The following ZNF280D variants were observed in gnomAD, a reference collection of about 807,000 sequenced individuals.
The protein encoded by ZNF280D is zinc finger protein 280D, also known as suppressor of hairy wing homolog 4.
ZNF280D carries 39 observed loss-of-function variants against 94.7 expected under a neutral mutation model. That is an observed-to-expected ratio of 0.41 (90% CI 0.32 to 0.54). The LOEUF (loss-of-function observed/expected upper bound fraction) is 0.54. Ranked by LOEUF, ZNF280D falls within the 20% of genes least tolerant of loss-of-function variation. ZNF280D has a pLI of 0.22. For missense variants in ZNF280D, 1,090 were observed against 1,149.3 expected (o/e 0.95, Z 0.75); for synonymous variants, 398 against 377.6 (o/e 1.05, Z -0.63).
At chr15:56,654,703 A>C in intron 17 of ZNF280D, 200 bp from the exon 18 acceptor site, 1 of 623,284 alleles carries the variant, frequency 1.6e-6, no homozygotes, top group South Asian at 1.6e-5. Context: ...CCATTTATTT[A>C]CAGAAAGTAT....
rs149168580 is a variant in ZNF280D at position 56,703,651 on chromosome 15, C to T, written c.175+470G>A. ...GGTGGATCATTTGAGCTCAGGAGTTCGAGAGCAGCCTGGGCAGCATGGTGA... is the reference window on the plus strand; with the variant it reads ...GGTGGATCATTTGAGCTCAGGAGTTTGAGAGCAGCCTGGGCAGCATGGTGA... On this transcript the variant is annotated intron_variant, in intron 4 of 21. Coordinates refer to ENST00000267807, the MANE Select transcript of ZNF280D (RefSeq NM_017661.4). Among the ~76,000 whole-genome samples, 695 of 151,992 alleles carry T rather than the reference C, an allele frequency of 4.6e-3. 3 individuals carry two copies. Among genetic ancestry groups the T allele is most frequent in the African/African-American group, 0.016 (658 of 41,422 alleles).
At chr15:56,727,938 T>C (rs1364020657) in intron 1 of ZNF280D, among the ~76,000 whole-genome samples, 10 of 152,332 alleles carry the variant, frequency 6.6e-5, no homozygotes, top group Non-Finnish European at 1.5e-4. Context: ...TCACACAATA[T>C]TTTTACATTA....
At chr15:56,677,090 G>C (rs1388887816) in intron 12 of ZNF280D, among the ~76,000 whole-genome samples, 1 of 152,096 alleles carries the variant, frequency 6.6e-6, no homozygotes, top group African/African-American at 2.4e-5. Context: ...GTCTTGACTT[G>C]AAGTTTCAAG....
At position 56,631,494 on chromosome 15, in the gene ZNF280D, A is replaced by G; in HGVS notation, c.*4T>C. 1 of 1,609,798 alleles carries G rather than the reference A, an allele frequency of 6.2e-7. No homozygotes were observed. Among genetic ancestry groups the G allele is most frequent in the Non-Finnish European group, 8.5e-7 (1 of 1,176,696 alleles). On this transcript the variant is annotated 3_prime_UTR_variant, in exon 22 of 22. Coordinates refer to ENST00000267807, the MANE Select transcript of ZNF280D (RefSeq NM_017661.4). ...TGGTACACTGAAACTTAAAATGACT[A>G]ATTTCAACTTCTTTCTTTTTCGTCT... is the stretch of plus-strand genomic sequence containing the variant.
intron 1 of ZNF280D, among the ~76,000 whole-genome samples, chr15:56,712,210 A>T (rs1361288151): frequency 1.3e-5 from 2 of 152,244 alleles, no homozygotes; most frequent in African/African-American, 2.4e-5. Context: ...ACCAAAAAAA[A>T]TTTTAACCCT....
chr15:56,688,664 A>C (rs1455924848), intron 9 of ZNF280D: 1 of 154,062 alleles, frequency 6.5e-6, no homozygotes, highest in African/African-American at 2.4e-5. Context: ...TGACATGTAC[A>C]TGTTAACATG....
chr15:56,688,213 A>G (rs1243354349), intron 9 of ZNF280D, among the ~76,000 whole-genome samples: 4 of 152,026 alleles, frequency 2.6e-5, no homozygotes, highest in African/African-American at 9.7e-5. Context: ...GGCTTCTTGT[A>G]CCAATAAAAA....
At chr15:56,692,674 C>T (rs1259389425) in intron 7 of ZNF280D, among the ~76,000 whole-genome samples, 6 of 152,058 alleles carry the variant, frequency 3.9e-5, no homozygotes, top group East Asian at 3.9e-4. Context: ...TGAACTATCA[C>T]GCTGAAACAA....
intron 19 of ZNF280D, chr15:56,653,352 T>C (rs2140671465): frequency 1.6e-6 from 2 of 1,258,470 alleles, no homozygotes; most frequent in Middle Eastern, 2.4e-4. Context: ...GTGGGAAGTA[T>C]GCTCAATTTG....
intron 1 of ZNF280D, among the ~76,000 whole-genome samples, chr15:56,723,347 T>C (rs917919668): frequency 1.4e-4 from 21 of 152,282 alleles, no homozygotes; most frequent in African/African-American, 1.9e-4. Context: ...ACATGAAACT[T>C]TGAAAGTGAA....
At chr15:56,648,629 C>A (rs2053034702) in intron 19 of ZNF280D, among the ~76,000 whole-genome samples, 1 of 152,110 alleles carries the variant, frequency 6.6e-6, no homozygotes, top group African/African-American at 2.4e-5. Flanking sequence ...TTTAACATAT[C>A]TGTATCTCAG....
chr15:56,729,899 T>C (rs1230767842), intron 1 of ZNF280D: 2 of 152,220 alleles, frequency 1.3e-5, no homozygotes, highest in Admixed American at 1.3e-4. Context: ...TGTATATTTG[T>C]TGTAGGAGTG....
chr15:56,694,194 A>G (rs2056595955), intron 6 of ZNF280D, among the ~76,000 whole-genome samples: 1 of 152,088 alleles, frequency 6.6e-6, no homozygotes, highest in South Asian at 2.1e-4. Context: ...AAAGTTATAT[A>G]TGAGCATACA....
At chr15:56,733,387 G>A (rs1168008136) in intron 1 of ZNF280D, 71 bp downstream of exon 1, 2 of 915,204 alleles carry the variant, frequency 2.2e-6, no homozygotes, top group African/African-American at 1.8e-5. Flanking sequence ...CCGGAGTGAG[G>A]CGGCGCAGGC....
chr15:56,684,923 T>C (rs187609063), intron 9 of ZNF280D, among the ~76,000 whole-genome samples: 1 of 152,098 alleles, frequency 6.6e-6, no homozygotes, highest in Admixed American at 6.6e-5. Flanking sequence ...CCAAGTTATA[T>C]CATTATAAAA....
rs766467426 is a variant in ZNF280D at position 56,693,085 on chromosome 15, T to G, written c.499+13A>C. On this transcript the variant is annotated intron_variant, in intron 7 of 21. Coordinates refer to ENST00000267807, the MANE Select transcript of ZNF280D (RefSeq NM_017661.4). The stretch of plus-strand genomic sequence containing the variant: ...CTTTCTATAACCTTTATGAAAAAAA[T>G]ACTAAAACCAACCTGCCATAGAAAG... 194 of 1,526,490 alleles carry G rather than the reference T, an allele frequency of 1.3e-4. No individual in the cohort carries two copies. The highest frequency in any genetic ancestry group is 1.7e-4 in the Non-Finnish European group (186 of 1,106,360). The allele number at this position is 1,526,490 out of a possible 1,614,324, so 94.6% of individuals were successfully genotyped here. A position where few individuals can be genotyped will look rare whatever the true frequency, so the allele number is the denominator to read the frequency against.
At chr15:56,731,287 G>A (rs1221544361) in intron 1 of ZNF280D, among the ~76,000 whole-genome samples, 1 of 152,152 alleles carries the variant, frequency 6.6e-6, no homozygotes, top group East Asian at 1.9e-4. Flanking sequence ...TGGATCACTT[G>A]AACCCAGGAG....
In ZNF280D at chr15:56,669,902, AAT is replaced by A. The variant is rs1296367855; in HGVS notation, c.1411-947_1411-946del. Among the ~76,000 whole-genome samples the A allele has an allele frequency of 1.1e-3, 3 of 2,734 alleles. 1 individual carries two copies. Among genetic ancestry groups the A allele is most frequent in the Non-Finnish European group, 1.5e-3 (2 of 1,332 alleles). 1.8% of individuals were successfully genotyped at this position (2,734 alleles called of 152,430 possible). A position where few individuals can be genotyped will look rare whatever the true frequency, so the allele number is the denominator to read the frequency against. ...ATATATATATATTATATATATATAT[AAT>A]ATATATATATTATATATATATTATA... On this transcript the variant is annotated intron_variant, in intron 13 of 21. Coordinates refer to ENST00000267807, the MANE Select transcript of ZNF280D (RefSeq NM_017661.4).
intron 19 of ZNF280D, among the ~76,000 whole-genome samples, chr15:56,646,705 G>A (rs1017752719): frequency 6.6e-6 from 1 of 152,182 alleles, no homozygotes; most frequent in Non-Finnish European, 1.5e-5. Flanking sequence ...CTCTCAAGGA[G>A]TTCACTGTGA....
Sources: gnomAD v4.1 joint callset for allele counts (sites outside exome capture counted in the v4.1 genomes callset) on GRCh38, gnomAD v4.1.1 for gene constraint, MANE v1.5 for transcripts, NCBI Gene and HGNC (gene_info 2026-07-23, HGNC 2026-07-21) for gene names.